TRIO: variants seen among roughly 807,000 people sequenced by gnomAD.
TRIO encodes trio Rho guanine nucleotide exchange factor.
A neutral mutation model predicts 351.9 loss-of-function variants in TRIO; 58 were observed. That is an observed-to-expected ratio of 0.16 (90% CI 0.13 to 0.21). TRIO has a LOEUF of 0.21. Ranked by LOEUF, TRIO falls within the 10% of genes least tolerant of loss-of-function variation. TRIO has a pLI of 1.00. For synonymous variants in TRIO, 1,758 were observed against 1,595.7 expected (o/e 1.10, Z -2.42); for missense variants, 3,201 against 4,027.8 (o/e 0.79, Z 5.56).
At chr5:14,409,091 T>C (rs1165977914) in intron 33 of TRIO, among the ~76,000 whole-genome samples, 1 of 152,140 alleles carries the variant, frequency 6.6e-6, no homozygotes, top group African/African-American at 2.4e-5. Context: ...ACAGAGTTGC[T>C]GGTGCCACGA....
intron 1 of TRIO, among the ~76,000 whole-genome samples, chr5:14,260,021 G>A (rs60807912): frequency 0.01 from 1,548 of 152,308 alleles, 26 homozygotes; most frequent in African/African-American, 0.035. Flanking sequence ...AGGCAAGGCA[G>A]TTTATATGTG....
rs1006572960 is a variant in TRIO at position 14,358,184 on chromosome 5, A to G, written c.2053A>G (p.Thr685Ala). ...SFHTHVKELW[T>A]WLEELQKELL... ...CCCCTCTCCCCTTCCCCAGCTGTGG[A>G]CGTGGCTGGAGGAGCTGCAGAAGGA... is the stretch of plus-strand genomic sequence containing the variant. The change falls in exon 12 of 57, where the codon ACG becomes GCG. Residue 685 changes from threonine to alanine, a missense_variant. Physicochemically the swap from Thr to Ala is moderately conservative, Grantham distance 58 (BLOSUM62 0). Transcript: ENST00000344204. The G allele has an allele frequency of 4.3e-6, 7 of 1,612,132 alleles. No individual in the cohort carries two copies. The highest frequency in any genetic ancestry group is 5.9e-6 in the Non-Finnish European group (7 of 1,178,704).
At chr5:14,195,145 T>C (rs749865037) in intron 1 of TRIO, among the ~76,000 whole-genome samples, 2 of 152,240 alleles carry the variant, frequency 1.3e-5, no homozygotes, top group Non-Finnish European at 2.9e-5. Flanking sequence ...ATTAATGTTC[T>C]CTATTTCGTG....
At chr5:14,342,746 G>A (rs1432568166) in intron 11 of TRIO, among the ~76,000 whole-genome samples, 2 of 152,128 alleles carry the variant, frequency 1.3e-5, no homozygotes, top group African/African-American at 4.8e-5. Flanking sequence ...AAAATGATTT[G>A]CTTTTTGTTT....
chr5:14,508,773 T>A lies in TRIO; in HGVS notation c.*351T>A, dbSNP rs754486241. The A allele has an allele frequency of 3.7e-4, 80 of 219,156 alleles. No homozygotes were observed. The highest frequency in any genetic ancestry group is 1.8e-4 in the Non-Finnish European group (20 of 109,562). 13.6% of individuals were successfully genotyped at this position (219,156 alleles called of 1,614,324 possible). ...TATTCAAGGAAACAAAATGCCTATGTTCAACCACTGGTGTTAATGAACAAA... is the reference window on the plus strand; with the variant it reads ...TATTCAAGGAAACAAAATGCCTATGATCAACCACTGGTGTTAATGAACAAA... On this transcript the variant is annotated 3_prime_UTR_variant, in exon 57 of 57. Transcript: ENST00000344204.
At chr5:14,473,970 C>CT (rs781233635) in intron 39 of TRIO, 24 bp from the exon 40 acceptor site, 10 of 1,595,780 alleles carry the variant, frequency 6.3e-6, no homozygotes, top group African/African-American at 1.3e-5. Context: ...ATGAAATACA[C>CT]TTATCATAAC....
chr5:14,256,981 G>C (rs1795057575), intron 1 of TRIO, among the ~76,000 whole-genome samples: 2 of 152,234 alleles, frequency 1.3e-5, no homozygotes, highest in African/African-American at 4.8e-5. Flanking sequence ...TGGCATCTTT[G>C]TCTGTGTGTC....
At position 14,429,542 on chromosome 5, in the gene TRIO, T is replaced by C. The variant is rs1348946764; in HGVS notation, c.5203+9521T>C. Among the ~76,000 whole-genome samples the C allele has an allele frequency of 2.0e-5, 3 of 152,324 alleles. No homozygotes were observed. The East Asian group carries it at 5.8e-4, about 29-fold the overall frequency. ...GTCCTGTGTCCCTGAACAAATCTTA[T>C]GGGAGCTCTGGTACCTATGCCAGAA... On this transcript the variant is annotated intron_variant, in intron 34 of 56. Transcript: ENST00000344204.
chr5:14,229,245 G>T (rs1248302665), intron 1 of TRIO, among the ~76,000 whole-genome samples: 1 of 152,170 alleles, frequency 6.6e-6, no homozygotes, highest in Non-Finnish European at 1.5e-5. Context: ...TAAATAGCCG[G>T]ATAAATACTT....
chr5:14,335,907 G>C (rs1035203679), intron 10 of TRIO, among the ~76,000 whole-genome samples: 6 of 152,224 alleles, frequency 3.9e-5, no homozygotes, highest in African/African-American at 1.4e-4. Context: ...CAAGGCTGCA[G>C]TGAGCTGTGA....
At chr5:14,371,882 TCCTCCCACCTTGG>T (rs1745142981) in intron 18 of TRIO, among the ~76,000 whole-genome samples, 1 of 152,236 alleles carries the variant, frequency 6.6e-6, no homozygotes, top group Non-Finnish European at 1.5e-5. Context: ...GCTCAAGTGA[TCCTCCCACCTTGG>T]CCTCCCAAAA....
chr5:14,257,590 C>A (rs922071689), intron 1 of TRIO, among the ~76,000 whole-genome samples: 1 of 151,976 alleles, frequency 6.6e-6, no homozygotes, highest in Non-Finnish European at 1.5e-5. Context: ...ACAGACGGGG[C>A]GTGGGAAAGA....
chr5:14,214,075 C>T (rs569607524), intron 1 of TRIO, among the ~76,000 whole-genome samples: 7 of 152,320 alleles, frequency 4.6e-5, no homozygotes, highest in African/African-American at 1.2e-4. Context: ...TCAGGCAAGC[C>T]GCAGTCAGGG....
At chr5:14,378,150 G>A in intron 20 of TRIO, 23 bp downstream of exon 20, 1 of 1,571,958 alleles carries the variant, frequency 6.4e-7, no homozygotes. Context: ...CTGGTGCCCA[G>A]CCTCCCCCTA....
intron 1 of TRIO, among the ~76,000 whole-genome samples, chr5:14,235,015 A>T (rs935790135): frequency 1.3e-5 from 2 of 152,168 alleles, no homozygotes; most frequent in Non-Finnish European, 2.9e-5. Flanking sequence ...TAGTCCAGTA[A>T]TTTGGAAATT....
intron 55 of TRIO, among the ~76,000 whole-genome samples, chr5:14,504,867 C>CG (rs962765848): frequency 6.6e-6 from 1 of 151,842 alleles, no homozygotes; most frequent in Non-Finnish European, 1.5e-5. Flanking sequence ...TGCACCCCCC[C>CG]CACCCCTTTT....
chr5:14,488,344 A>T, intron 48 of TRIO, 84 bp downstream of exon 48: 1 of 1,481,868 alleles, frequency 6.7e-7, no homozygotes, highest in Non-Finnish European at 9.0e-7. Flanking sequence ...TGTTCTCACT[A>T]ACTCGGCTGC....
chr5:14,232,312 C>T (rs1346057299), intron 1 of TRIO, among the ~76,000 whole-genome samples: 1 of 152,172 alleles, frequency 6.6e-6, no homozygotes, highest in African/African-American at 2.4e-5. Flanking sequence ...CATACCACTC[C>T]CCCCAACCCC....
intron 1 of TRIO, among the ~76,000 whole-genome samples, chr5:14,246,517 G>A (rs944498385): frequency 6.6e-6 from 1 of 152,084 alleles, no homozygotes; most frequent in Non-Finnish European, 1.5e-5. Context: ...TTGGATATTG[G>A]AACAGTCAGT....
Sources: gnomAD v4.1 joint callset for allele counts (sites outside exome capture counted in the v4.1 genomes callset) on GRCh38, gnomAD v4.1.1 for gene constraint, MANE v1.5 for transcripts, NCBI Gene and HGNC (gene_info 2026-07-23, HGNC 2026-07-21) for gene names.